Variants in LRRC7 observed in about 807,000 individuals in gnomAD.
The protein encoded by LRRC7 is leucine-rich repeat-containing protein 7.
Under a neutral mutation model 175.7 loss-of-function variants are expected in LRRC7, and 23 were observed. The observed-to-expected ratio is 0.13, with a 90% CI of 0.09 to 0.19. The LOEUF is 0.19. Ranked by LOEUF, LRRC7 falls within the 10% of genes least tolerant of loss-of-function variation. The pLI is 1.00. For missense variants in LRRC7, 1,354 were observed against 1,904.7 expected, an observed-to-expected ratio of 0.71 and a Z score of 5.38; for synonymous variants, 685 against 680.9, an observed-to-expected ratio of 1.01 and a Z score of -0.09.
chr1:69,925,978 C>G (rs1336841248), intron 7 of LRRC7, among the ~76,000 whole-genome samples: 1 of 151,060 alleles, frequency 6.6e-6, no homozygotes, highest in Non-Finnish European at 1.5e-5. Context: ...TTGAATGTGT[C>G]CCAGAGATTC....
At position 69,696,454 on chromosome 1, in the gene LRRC7, G is replaced by A. The variant is rs140787053; in HGVS notation, c.100+17976G>A. Reference sequence around the variant, plus strand: ...AGTCTCAGATGGGACTTTGAACTTCGGACTTGGGACTTTTGAATGATGCTG... The same window carrying A: ...AGTCTCAGATGGGACTTTGAACTTCAGACTTGGGACTTTTGAATGATGCTG... On this transcript the variant is annotated intron_variant, in intron 2 of 26. Coordinates refer to ENST00000651989, the MANE Select transcript of LRRC7 (RefSeq NM_001370785.2). Among the ~76,000 whole-genome samples, 164 of 152,100 alleles carry A rather than the reference G, an allele frequency of 1.1e-3. 1 individual carries two copies. The highest frequency in any genetic ancestry group is 3.4e-3 in the African/African-American group (142 of 41,474).
intron 8 of LRRC7, among the ~76,000 whole-genome samples, chr1:69,951,153 A>G (rs1649876434): frequency 6.6e-6 from 1 of 152,058 alleles, no homozygotes; most frequent in African/African-American, 2.4e-5. Flanking sequence ...TCAAAAGAAG[A>G]CATACATGCG....
intron 23 of LRRC7, among the ~76,000 whole-genome samples, chr1:70,060,146 T>C (rs561326609): frequency 1.3e-5 from 2 of 152,120 alleles, no homozygotes; most frequent in South Asian, 4.2e-4. Flanking sequence ...GGCAAAACCC[T>C]GTCTCTACTT....
chr1:69,792,830 A>T (rs921976906), intron 4 of LRRC7, among the ~76,000 whole-genome samples: 1 of 152,100 alleles, frequency 6.6e-6, no homozygotes, highest in East Asian at 1.9e-4. Flanking sequence ...ATTCAGGTTG[A>T]TTATTTTTTC....
intron 1 of LRRC7, among the ~76,000 whole-genome samples, chr1:69,580,065 C>T (rs1646132282): frequency 6.6e-6 from 1 of 152,096 alleles, no homozygotes; most frequent in African/African-American, 2.4e-5. Context: ...GTCCTCCTGG[C>T]ACATAGGTAT....
At chr1:69,616,829 G>A (rs575107688) in intron 1 of LRRC7, among the ~76,000 whole-genome samples, 8 of 152,042 alleles carry the variant, frequency 5.3e-5, no homozygotes, top group Non-Finnish European at 8.8e-5. Context: ...AGGACGATGC[G>A]GGTAACTTAG....
intron 5 of LRRC7, among the ~76,000 whole-genome samples, chr1:69,827,658 T>C (rs528257210): frequency 6.6e-6 from 1 of 151,976 alleles, no homozygotes; most frequent in Non-Finnish European, 1.5e-5. Context: ...GGCAACATGG[T>C]GAAACCCTGT....
chr1:70,114,978 A>G (rs569871303), intron 26 of LRRC7, among the ~76,000 whole-genome samples: 1 of 152,332 alleles, frequency 6.6e-6, no homozygotes, highest in South Asian at 2.1e-4. Context: ...CCTGCAAGAT[A>G]TCTATTACTG....
intron 2 of LRRC7, among the ~76,000 whole-genome samples, chr1:69,742,656 G>C (rs1284407614): frequency 6.6e-6 from 1 of 151,878 alleles, no homozygotes; most frequent in African/African-American, 2.4e-5. Context: ...GCAGTAGCAT[G>C]ATCAACCATT....
intron 2 of LRRC7, among the ~76,000 whole-genome samples, chr1:69,739,562 A>C (rs1668485791): frequency 6.6e-6 from 1 of 152,092 alleles, no homozygotes. Context: ...GATTGGGAGC[A>C]CACTTTTGCA....
intron 7 of LRRC7, among the ~76,000 whole-genome samples, chr1:69,879,211 T>TAAAAAA (rs1307811457): frequency 1.9e-5 from 1 of 53,424 alleles, no homozygotes; most frequent in African/African-American, 9.0e-5. Flanking sequence ...TAAAACTGCT[T>TAAAAAA]TAAAAAAAAA....
intron 11 of LRRC7, among the ~76,000 whole-genome samples, chr1:70,008,060 G>A (rs945591743): frequency 4.6e-5 from 7 of 152,034 alleles, no homozygotes; most frequent in Admixed American, 1.3e-4. Flanking sequence ...TAACTTACAC[G>A]ATGACAAGGT....
intron 25 of LRRC7, among the ~76,000 whole-genome samples, chr1:70,105,034 C>A (rs1665046799): frequency 6.6e-6 from 1 of 152,118 alleles, no homozygotes; most frequent in African/African-American, 2.4e-5. Flanking sequence ...GTCATTCTGC[C>A]TATTGTACAG....
intron 7 of LRRC7, among the ~76,000 whole-genome samples, chr1:69,858,052 A>G (rs530923095): frequency 1.5e-3 from 233 of 152,322 alleles, no homozygotes; most frequent in African/African-American, 5.3e-3. Context: ...AAAACTGGCT[A>G]GCCATATGTA....
At chr1:69,588,219 A>G (rs1189336229) in intron 1 of LRRC7, among the ~76,000 whole-genome samples, 1 of 152,148 alleles carries the variant, frequency 6.6e-6, no homozygotes, top group Admixed American at 6.5e-5. Context: ...TGACCATGTT[A>G]TATTTTAATT....
chr1:70,134,563 A>G lies in LRRC7; in HGVS notation c.*12676A>G, dbSNP rs969673372. ...TCCAACCCGGAGCAAAGGTAGAGGG[A>G]AGACAAGGTGTTCTTTCCCAAAGTT... On this transcript the variant is annotated 3_prime_UTR_variant, in exon 27 of 27. Transcript: ENST00000651989. Among the ~76,000 whole-genome samples the G allele has an allele frequency of 6.6e-6, 1 of 152,180 alleles. No homozygotes were observed. Among genetic ancestry groups the G allele is most frequent in the Non-Finnish European group, 1.5e-5 (1 of 68,032 alleles).
At chr1:70,057,356 T>G (rs1379806043) in intron 23 of LRRC7, among the ~76,000 whole-genome samples, 1 of 152,242 alleles carries the variant, frequency 6.6e-6, no homozygotes, top group East Asian at 1.9e-4. Context: ...CAAAATTTAC[T>G]GAAATAGATG....
intron 1 of LRRC7, among the ~76,000 whole-genome samples, chr1:69,598,621 A>G (rs186707787): frequency 2.0e-4 from 30 of 152,268 alleles, no homozygotes; most frequent in African/African-American, 6.5e-4. Flanking sequence ...TTCAAAGTCC[A>G]TTGATTTAAA....
At chr1:69,679,781 G>C (rs1310327658) in intron 2 of LRRC7, among the ~76,000 whole-genome samples, 1 of 152,042 alleles carries the variant, frequency 6.6e-6, no homozygotes, top group Non-Finnish European at 1.5e-5. Flanking sequence ...AGATATGTTT[G>C]CAAATGGTTA....
Sources: allele counts gnomAD v4.1 joint callset (sites outside exome capture counted in the v4.1 genomes callset), GRCh38; gene constraint gnomAD v4.1.1; transcripts MANE v1.5; gene names NCBI Gene and HGNC (gene_info 2026-07-23, HGNC 2026-07-21).